The following ERC1 variants were observed in gnomAD, a reference collection of about 807,000 sequenced individuals.
The protein encoded by ERC1 is RAB6 interacting protein 2.
Under a neutral mutation model 132.0 loss-of-function variants are expected in ERC1, and 56 were observed. The observed-to-expected ratio is 0.42, with a 90% CI of 0.34 to 0.53. The LOEUF (loss-of-function observed/expected upper bound fraction) is 0.53. ERC1 is among the 20% of genes least tolerant of loss of function. The probability of loss-of-function intolerance (pLI) is 0.03; values close to 1 mark genes in which losing one functional copy is unlikely to be tolerated. For synonymous variants in ERC1, 478 were observed against 476.1 expected, an observed-to-expected ratio of 1.00 and a Z score of -0.05; for missense variants, 1,202 against 1,349.9, an observed-to-expected ratio of 0.89 and a Z score of 1.72.
intron 15 of ERC1, among the ~76,000 whole-genome samples, chr12:1,291,180 T>C (rs903955776): frequency 6.6e-6 from 1 of 152,232 alleles, no homozygotes; most frequent in African/African-American, 2.4e-5. Flanking sequence ...GTGTCCTCTG[T>C]GCTTTCACGT....
At chr12:1,334,416 G>A (rs947174596) in intron 15 of ERC1, among the ~76,000 whole-genome samples, 1 of 152,190 alleles carries the variant, frequency 6.6e-6, no homozygotes, top group East Asian at 1.9e-4. Context: ...TGTATAGGGT[G>A]TAAGGAAGGG....
intron 8 of ERC1, among the ~76,000 whole-genome samples, chr12:1,174,264 C>A (rs1292224466): frequency 6.6e-6 from 1 of 152,236 alleles, no homozygotes; most frequent in African/African-American, 2.4e-5. Context: ...TCACTGATGG[C>A]AGCTTGCCCA....
At chr12:1,309,453 T>C (rs998742160) in intron 15 of ERC1, among the ~76,000 whole-genome samples, 9 of 152,190 alleles carry the variant, frequency 5.9e-5, no homozygotes, top group African/African-American at 2.2e-4. Flanking sequence ...TAGGAATAAT[T>C]ATTAGTATGT....
At chr12:1,173,241 C>G (rs1400949896) in intron 8 of ERC1, among the ~76,000 whole-genome samples, 2 of 152,152 alleles carry the variant, frequency 1.3e-5, no homozygotes, top group African/African-American at 4.8e-5. Flanking sequence ...TGGAGCTACA[C>G]TACCTAGTGA....
rs181181769 is a variant in ERC1 at position 1,103,306 on chromosome 12, G to A, written c.1087-1444G>A. Among the ~76,000 whole-genome samples, 29 of 152,316 alleles carry A rather than the reference G, an allele frequency of 1.9e-4. No homozygotes were observed. The East Asian group carries it at 5.4e-3, about 28-fold the overall frequency. ...TAGTGGCTAAAGCATGGAGACCCAG[G>A]GAAGAGCGATGAGATGAGGCCTTTG... On this transcript the variant is annotated intron_variant, in intron 3 of 18. Coordinates refer to ENST00000360905, the MANE Select transcript of ERC1 (RefSeq NM_178040.4).
chr12:998,233 G>A (rs190387612), intron 1 of ERC1: 42 of 152,308 alleles, frequency 2.8e-4, no homozygotes, highest in African/African-American at 1.0e-3. Flanking sequence ...TTACTATCCT[G>A]TTCTTATTTA....
intron 2 of ERC1, among the ~76,000 whole-genome samples, chr12:1,069,836 A>C (rs1262746512): frequency 6.6e-6 from 1 of 152,216 alleles, no homozygotes; most frequent in African/African-American, 2.4e-5. Context: ...ACATTTTTTA[A>C]TTAGGTTATG....
At chr12:1,000,105 T>G (rs1239136156) in intron 1 of ERC1, among the ~76,000 whole-genome samples, 1 of 152,190 alleles carries the variant, frequency 6.6e-6, no homozygotes, top group East Asian at 1.9e-4. Flanking sequence ...AATAGATAAT[T>G]TTTATGTGAC....
intron 16 of ERC1, among the ~76,000 whole-genome samples, chr12:1,404,246 G>A (rs2091297013): frequency 1.3e-5 from 2 of 152,108 alleles, no homozygotes; most frequent in South Asian, 2.1e-4. Context: ...AAGGGCAAAC[G>A]GGCTCCCTCG....
At chr12:1,058,001 GTTTT>G (rs999211200) in intron 2 of ERC1, among the ~76,000 whole-genome samples, 1 of 151,336 alleles carries the variant, frequency 6.6e-6, no homozygotes, top group South Asian at 2.1e-4. Context: ...ATCAGATTAG[GTTTT>G]TTTTGTTTTG....
intron 14 of ERC1, among the ~76,000 whole-genome samples, chr12:1,269,230 T>C (rs1433140694): frequency 6.6e-6 from 1 of 152,142 alleles, no homozygotes; most frequent in Non-Finnish European, 1.5e-5. Context: ...TAATTGCTAG[T>C]TATGACAAAG....
intron 17 of ERC1, among the ~76,000 whole-genome samples, chr12:1,428,323 C>T (rs941446271): frequency 6.6e-6 from 1 of 152,170 alleles, no homozygotes; most frequent in Non-Finnish European, 1.5e-5. Context: ...ATGAGTTTTA[C>T]CCTAAAGAAA....
chr12:1,209,463 G>T lies in ERC1; in HGVS notation c.2351+19411G>T, dbSNP rs1442137481. 4.6e-5 allele frequency among the ~76,000 whole-genome samples: 7 copies of T among 150,558 alleles called. No individual in the cohort carries two copies. The East Asian group carries it at 1.4e-3, about 29-fold the overall frequency. ...ATTGGCTAGTCTGTCACCATTTGTAGCCTGTTGTATGAGATGTTCCTATAG... is the reference window on the plus strand; with the variant it reads ...ATTGGCTAGTCTGTCACCATTTGTATCCTGTTGTATGAGATGTTCCTATAG... On this transcript the variant is annotated intron_variant, in intron 12 of 18. Coordinates refer to ENST00000360905, the MANE Select transcript of ERC1 (RefSeq NM_178040.4).
At chr12:1,340,608 G>A (rs1436387699) in intron 15 of ERC1, among the ~76,000 whole-genome samples, 1 of 152,070 alleles carries the variant, frequency 6.6e-6, no homozygotes, top group South Asian at 2.1e-4. Flanking sequence ...CAGTAGCCCG[G>A]TGCAGCGTTC....
chr12:1,481,438 A>G (rs1462891161), intron 18 of ERC1, among the ~76,000 whole-genome samples: 1 of 152,268 alleles, frequency 6.6e-6, no homozygotes, highest in Non-Finnish European at 1.5e-5. Context: ...AACAAAATAA[A>G]AGTCGCATTT....
rs1330114951 is a variant in ERC1, at chr12:1,038,637, G to A, written c.669+10065G>A. ...GCCTCCCAAAGTGCTAAGATTACAG[G>A]CGTGAGCCACTGTGCCCAGCCTTTT... On this transcript the variant is annotated intron_variant, in intron 2 of 18. Transcript: ENST00000360905. Among the ~76,000 whole-genome samples the A allele has an allele frequency of 3.9e-5, 6 of 152,286 alleles. 1 individual carries two copies. The South Asian group carries it at 6.2e-4, about 16-fold the overall frequency.
intron 12 of ERC1, among the ~76,000 whole-genome samples, chr12:1,231,893 C>G (rs748774961): frequency 6.6e-6 from 1 of 152,134 alleles, no homozygotes; most frequent in Non-Finnish European, 1.5e-5. Flanking sequence ...GCGCCCGCCA[C>G]CACGCCCAGC....
In ERC1 at chr12:1,252,435, A is replaced by G. The variant is rs183223461; in HGVS notation, c.2488-10599A>G. Among the ~76,000 whole-genome samples, 51 of 152,272 alleles carry G rather than the reference A, an allele frequency of 3.3e-4. No individual in the cohort carries two copies. In the East Asian group the frequency reaches 9.5e-3, roughly 28 times the overall value. On this transcript the variant is annotated intron_variant, in intron 13 of 18. Transcript: ENST00000360905. ...GATCAAAGATTTATAGTGTCCTAGGATTAGGTAAACTCCATGTCCTTGCCC... is the reference window on the plus strand; with the variant it reads ...GATCAAAGATTTATAGTGTCCTAGGGTTAGGTAAACTCCATGTCCTTGCCC...
chr12:1,448,178 TG>T (rs368444197), intron 18 of ERC1, among the ~76,000 whole-genome samples: 2 of 152,320 alleles, frequency 1.3e-5, no homozygotes, highest in African/African-American at 4.8e-5. Flanking sequence ...TCCAAACAAT[TG>T]TGCTCACACA....
Sources: gnomAD v4.1 joint callset for allele counts (sites outside exome capture counted in the v4.1 genomes callset) on GRCh38, gnomAD v4.1.1 for gene constraint, MANE v1.5 for transcripts, NCBI Gene and HGNC (gene_info 2026-07-23, HGNC 2026-07-21) for gene names.